The following UBA2 variants were observed in gnomAD, a reference collection of about 807,000 sequenced individuals.
The protein encoded by UBA2 is ubiquitin like modifier activating enzyme 2, also known as SUMO-activating enzyme subunit 2.
UBA2 carries 11 observed loss-of-function variants against 77.2 expected under a neutral mutation model. The observed-to-expected ratio is 0.14, with a 90% CI of 0.09 to 0.24. The LOEUF is 0.24. Among genes scored for constraint, UBA2 ranks in the 10% least tolerant of loss-of-function variants. The pLI is 1.00. For missense variants in UBA2, 487 were observed against 781.7 expected, an observed-to-expected ratio of 0.62 and a Z score of 4.50; for synonymous variants, 278 against 276.7, an observed-to-expected ratio of 1.00 and a Z score of -0.05.
At chr19:34,456,100 C>CTTTTCTTTT (rs2075557152) in intron 12 of UBA2, among the ~76,000 whole-genome samples, 3 of 55,782 alleles carry the variant, frequency 5.4e-5, no homozygotes, top group African/African-American at 2.2e-4. Flanking sequence ...TTTTCCTTTT[C>CTTTTCTTTT]TTTTTCTTTT....
chr19:34,457,042 T>G (rs2145553106), intron 12 of UBA2, among the ~76,000 whole-genome samples: 1 of 150,324 alleles, frequency 6.7e-6, no homozygotes, highest in Admixed American at 6.6e-5. Flanking sequence ...AATAGTAATA[T>G]ATCTGGCCGG....
In UBA2 at chr19:34,466,859, C is replaced by G. The variant is rs773613168; in HGVS notation, c.1605-19C>G. 109 of 1,611,104 alleles carry G rather than the reference C, an allele frequency of 6.8e-5. No homozygotes were observed. The highest frequency in any genetic ancestry group is 9.0e-5 in the Non-Finnish European group (106 of 1,179,160). ...CTTTCTAAATAGTCATAGCAGTGAC[C>G]TGTGTGATTCTCCTACAGTGAAGAC... On this transcript the variant is annotated intron_variant, in intron 15 of 16. Coordinates refer to ENST00000246548, the MANE Select transcript of UBA2 (RefSeq NM_005499.3).
chr19:34,443,424 C>T (rs1169655393), intron 6 of UBA2, among the ~76,000 whole-genome samples: 1 of 147,828 alleles, frequency 6.8e-6, no homozygotes, highest in Non-Finnish European at 1.5e-5. Flanking sequence ...AGTTTATAGT[C>T]ATTTATCCGT....
chr19:34,459,032 G>C (rs1447096334), intron 13 of UBA2, 108 bp downstream of exon 13: 2 of 1,203,134 alleles, frequency 1.7e-6, no homozygotes, highest in Non-Finnish European at 2.3e-6. Flanking sequence ...AGAGATGTGT[G>C]GCTGTGATTT....
At chr19:34,433,261 A>G in intron 3 of UBA2, 87 bp from the exon 4 acceptor site, 1 of 921,186 alleles carries the variant, frequency 1.1e-6, no homozygotes, top group East Asian at 2.4e-5. Flanking sequence ...TACAGTTACT[A>G]TGTTTTTTTC....
At chr19:34,459,075 G>C (rs542093685) in intron 13 of UBA2, 151 bp downstream of exon 13, 1 of 804,126 alleles carries the variant, frequency 1.2e-6, no homozygotes, top group South Asian at 2.6e-5. Flanking sequence ...ATTCCTGCAG[G>C]CTTTTCTGTC....
At chr19:34,463,250 T>A (rs933847130) in intron 14 of UBA2, among the ~76,000 whole-genome samples, 5 of 152,056 alleles carry the variant, frequency 3.3e-5, no homozygotes, top group Non-Finnish European at 7.4e-5. Context: ...AAAAATTGAT[T>A]TGAATGGGGA....
At chr19:34,453,632 C>T (rs553010530) in intron 10 of UBA2, among the ~76,000 whole-genome samples, 9 of 151,552 alleles carry the variant, frequency 5.9e-5, no homozygotes, top group Middle Eastern at 3.4e-3. Context: ...CAAGTGATCC[C>T]GCCACCTCAG....
At chr19:34,467,344 T>C (rs1043222278) in intron 16 of UBA2, among the ~76,000 whole-genome samples, 3 of 151,340 alleles carry the variant, frequency 2.0e-5, no homozygotes, top group Admixed American at 6.6e-5. Flanking sequence ...TGGTAGCGTG[T>C]ACCTGTAGTC....
At chr19:34,457,179 A>AAAAATATATATATATATAT (rs1262007864) in intron 12 of UBA2, among the ~76,000 whole-genome samples, 4 of 53,220 alleles carry the variant, frequency 7.5e-5, no homozygotes, top group African/African-American at 2.3e-4. Flanking sequence ...AAAAAAAAAA[A>AAAAATATATATATATATAT]ATATATATAT....
chr19:34,454,939 A>C (rs2075541961), intron 12 of UBA2, among the ~76,000 whole-genome samples: 1 of 151,984 alleles, frequency 6.6e-6, no homozygotes, highest in African/African-American at 2.4e-5. Flanking sequence ...TTTCAATTTT[A>C]TTGTATAGTT....
intron 8 of UBA2, among the ~76,000 whole-genome samples, chr19:34,449,005 C>T (rs928030141): frequency 6.6e-6 from 1 of 151,926 alleles, no homozygotes; most frequent in African/African-American, 2.4e-5. Flanking sequence ...CCTTTGTACC[C>T]ATTTCACATG....
chr19:34,457,946 A>AT (rs1312272036), intron 12 of UBA2, among the ~76,000 whole-genome samples: 3 of 152,166 alleles, frequency 2.0e-5, no homozygotes, highest in Admixed American at 1.3e-4. Context: ...CCAGAAATAC[A>AT]TTTTTTTCCC....
At chr19:34,457,179 AATATATATATATATATAT>A (rs766043321) in intron 12 of UBA2, among the ~76,000 whole-genome samples, 2 of 53,222 alleles carry the variant, frequency 3.8e-5, no homozygotes, top group African/African-American at 2.3e-4. Flanking sequence ...AAAAAAAAAA[AATATATATATATATATAT>A]ATATATATAT....
intron 6 of UBA2, 76 bp from the exon 7 acceptor site, chr19:34,443,768 A>T: frequency 9.8e-7 from 1 of 1,022,570 alleles, no homozygotes; most frequent in South Asian, 1.3e-5. Flanking sequence ...TCTGCTAAAT[A>T]TTTGGAATAT....
At chr19:34,461,612 C>T (rs972014788) in intron 14 of UBA2, among the ~76,000 whole-genome samples, 2 of 152,192 alleles carry the variant, frequency 1.3e-5, no homozygotes, top group African/African-American at 4.8e-5. Flanking sequence ...GTGGCTTCAG[C>T]GTGACCCTTC....
At chr19:34,443,966 G>A in intron 7 of UBA2, 55 bp downstream of exon 7, 1 of 1,235,132 alleles carries the variant, frequency 8.1e-7, no homozygotes, top group Admixed American at 1.8e-5. Context: ...TTATTTTGTT[G>A]ATTTAATTTT....
chr19:34,428,798 G>A, intron 1 of UBA2: 1 of 1,149,080 alleles, frequency 8.7e-7, no homozygotes, highest in Non-Finnish European at 1.1e-6. Context: ...ACGCCGAGGA[G>A]GCCGCGGGCC....
At chr19:34,430,336 C>T in intron 1 of UBA2, 2 of 376,384 alleles carry the variant, frequency 5.3e-6, no homozygotes, top group Non-Finnish European at 9.5e-6. Flanking sequence ...ATTAAACAAA[C>T]AAAATATACC....
Sources: allele counts gnomAD v4.1 joint callset (sites outside exome capture counted in the v4.1 genomes callset), GRCh38; gene constraint gnomAD v4.1.1; transcripts MANE v1.5; gene names NCBI Gene and HGNC (gene_info 2026-07-23, HGNC 2026-07-21).